COL16A1: variants seen among roughly 807,000 people sequenced by gnomAD.
The protein encoded by COL16A1 is collagen type XVI alpha 1 chain, also known as collagen alpha-1(XVI) chain.
COL16A1 carries 189 observed loss-of-function variants against 266.3 expected under a neutral mutation model. The observed-to-expected ratio is 0.71, with a 90% CI of 0.63 to 0.80. The LOEUF (loss-of-function observed/expected upper bound fraction) is 0.80. COL16A1 is among the 30% of genes least tolerant of loss of function. The pLI, the probability that COL16A1 is intolerant of heterozygous loss-of-function variation, is 0.00. For synonymous variants in COL16A1, 740 were observed against 782.3 expected, an observed-to-expected ratio of 0.95 and a Z score of 0.90; for missense variants, 1,928 against 2,122.4, an observed-to-expected ratio of 0.91 and a Z score of 1.80.
intron 11 of COL16A1, among the ~76,000 whole-genome samples, chr1:31,694,513 G>A (rs1190335116): frequency 6.6e-6 from 1 of 152,144 alleles, no homozygotes; most frequent in East Asian, 1.9e-4. Flanking sequence ...GATTGAAAGA[G>A]GGAGCAGGGA....
chr1:31,689,198 G>A lies in COL16A1; in HGVS notation c.1621-113C>T, dbSNP rs960583052. 1.1e-5 allele frequency: 17 copies of A among 1,515,854 alleles called. No individual in the cohort carries two copies. In the African/African-American group the frequency reaches 1.8e-4, roughly 16 times the overall value. The allele number at this position is 1,515,854 out of a possible 1,614,324, so 93.9% of individuals were successfully genotyped here. ...CACACGCAAACCGTCCAAACACCTAGGGGTCCCATGGGGTCCAAGGCCAGC... is the reference window on the plus strand; with the variant it reads ...CACACGCAAACCGTCCAAACACCTAAGGGTCCCATGGGGTCCAAGGCCAGC... On this transcript the variant is annotated intron_variant, in intron 23 of 70. Transcript: ENST00000373672.
At chr1:31,671,994 G>A (rs948283153) in intron 47 of COL16A1, among the ~76,000 whole-genome samples, 3 of 152,216 alleles carry the variant, frequency 2.0e-5, no homozygotes, top group Non-Finnish European at 2.9e-5. Flanking sequence ...CACATAGTTG[G>A]TGTTGAGCTG....
At chr1:31,682,332 G>A (rs1643705790) in intron 37 of COL16A1, among the ~76,000 whole-genome samples, 1 of 152,166 alleles carries the variant, frequency 6.6e-6, no homozygotes, top group Non-Finnish European at 1.5e-5. Context: ...AGTAGTTGCT[G>A]GTCTGGATCT....
At chr1:31,673,317 G>A (rs778615816) in intron 44 of COL16A1, 3 of 178,742 alleles carry the variant, frequency 1.7e-5, no homozygotes, top group South Asian at 1.1e-4. Context: ...CAGGCTCCTG[G>A]CTCGGATCGC....
At chr1:31,681,154 C>G (rs1643612341) in intron 37 of COL16A1, 87 bp from the exon 38 acceptor site, 2 of 1,503,794 alleles carry the variant, frequency 1.3e-6, no homozygotes, top group Non-Finnish European at 1.8e-6. Context: ...GTAGGACAAA[C>G]AGAAGCAGCG....
At chr1:31,669,858 AGCCGGCCAAGGT>A (rs1462970063) in intron 49 of COL16A1, 1 of 152,526 alleles carries the variant, frequency 6.6e-6, no homozygotes, top group East Asian at 1.9e-4. Context: ...TGGCAGAAGG[AGCCGGCCAAGGT>A]GCCGGGCACA....
chr1:31,677,236 C>T (rs1376186535), intron 42 of COL16A1, among the ~76,000 whole-genome samples: 1 of 152,202 alleles, frequency 6.6e-6, no homozygotes, highest in Non-Finnish European at 1.5e-5. Flanking sequence ...CAGGCATGCA[C>T]CACAAAACCC....
chr1:31,683,501 C>A, intron 34 of COL16A1, 132 bp from the exon 35 acceptor site: 2 of 1,583,518 alleles, frequency 1.3e-6, no homozygotes, highest in Non-Finnish European at 1.7e-6. Context: ...CCCAAGGAGA[C>A]CCTGAGGGTC....
chr1:31,671,519 G>A, intron 48 of COL16A1, 96 bp downstream of exon 48: 3 of 1,510,076 alleles, frequency 2.0e-6, no homozygotes, highest in Non-Finnish European at 1.8e-6. Flanking sequence ...CTCCTGCCTT[G>A]CCCAGCCTTT....
At position 31,690,365 on chromosome 1, in the gene COL16A1, A is replaced by G. The variant is rs754852290; in HGVS notation, c.1509+2T>C. Reference sequence around the variant, plus strand: ...ATCTGGGCAGCCAGGCCTAGGACTCACCTTCTCTCCCTTCACACCTGGCTT... The same window carrying G: ...ATCTGGGCAGCCAGGCCTAGGACTCGCCTTCTCTCCCTTCACACCTGGCTT... On this transcript the variant is annotated splice_donor_variant, in intron 22 of 70. Coordinates refer to ENST00000373672, the MANE Select transcript of COL16A1 (RefSeq NM_001856.4). LOFTEE classifies it high-confidence loss of function. 3 of 1,613,918 alleles carry G rather than the reference A, an allele frequency of 1.9e-6. No individual in the cohort carries two copies. In the South Asian group the frequency reaches 3.3e-5, roughly 18 times the overall value.
chr1:31,680,067 C>T lies in COL16A1; in HGVS notation c.2645G>A (p.Gly882Glu), dbSNP rs759049230. 6.2e-7 allele frequency: 1 copy of T among 1,613,842 alleles called. No homozygotes were observed. Among genetic ancestry groups the T allele is most frequent in the African/African-American group, 1.3e-5 (1 of 74,922 alleles). The change falls in exon 40 of 71, where the codon GGA becomes GAA. Residue 882 changes from glycine (G) to glutamate (E), a missense_variant. By Grantham distance (98) the Gly-to-Glu change is moderately conservative. Coordinates refer to ENST00000373672, the MANE Select transcript of COL16A1 (RefSeq NM_001856.4). ...EPGECSCPSQGDLIFSGMPGA... is the reference protein window; with the variant it reads ...EPGECSCPSQEDLIFSGMPGA... ...CGGCATGCCAGAGAAGATGAGGTCT[C>T]CTTGAGAGGGGCAGGAGCACTCCCC... is the stretch of plus-strand genomic sequence containing the variant.
rs1644265189 is a variant in COL16A1, at chr1:31,691,474, T to C, written c.1341A>G (p.Gly447=). Residue 447 remains glycine, a synonymous_variant, in exon 19 of 71, where the codon GGA becomes GGG. Transcript: ENST00000373672. ...CAGGGAGGCCGGGGGGCCCAGGCTCTCCTGCCAGCCCCTCAGGCCCAACAA... is the reference window on the plus strand; with the variant it reads ...CAGGGAGGCCGGGGGGCCCAGGCTCCCCTGCCAGCCCCTCAGGCCCAACAA... ...PGFVGPEGLA[G]EPGPPGLPGP... 1 of 1,613,240 alleles carries C rather than the reference T, an allele frequency of 6.2e-7. No individual in the cohort carries two copies. The highest frequency in any genetic ancestry group is 1.1e-5 in the South Asian group (1 of 91,030).
rs929568842 is a variant in COL16A1, at chr1:31,698,822, G to C, written c.267-216C>G. ...AATAACAGTGGTGAAGGCTGGGTGCGGTGGCTCATGCCTGTAATCCCAGCA... is the reference window on the plus strand; with the variant it reads ...AATAACAGTGGTGAAGGCTGGGTGCCGTGGCTCATGCCTGTAATCCCAGCA... On this transcript the variant is annotated intron_variant, in intron 4 of 70. Transcript: ENST00000373672. The surrounding 1 kb of genome is among the most constrained non-coding windows in gnomAD (Gnocchi z 4.1). Among the ~76,000 whole-genome samples, 1 of 152,152 alleles carries C rather than the reference G, an allele frequency of 6.6e-6. No individual in the cohort carries two copies. The highest frequency in any genetic ancestry group is 6.5e-5 in the Admixed American group (1 of 15,272).
Position 31,668,919 on chromosome 1 carries a change from T to C in COL16A1, c.3196-64A>G. The C allele has an allele frequency of 2.8e-6, 4 of 1,433,338 alleles. No individual in the cohort carries two copies. Among genetic ancestry groups the C allele is most frequent in the Admixed American group, 1.8e-5 (1 of 55,544 alleles). 88.8% of individuals were successfully genotyped at this position (1,433,338 alleles called of 1,614,324 possible). A position where few individuals can be genotyped will look rare whatever the true frequency, so the allele number is the denominator to read the frequency against. On this transcript the variant is annotated intron_variant, in intron 49 of 70. Transcript: ENST00000373672. The surrounding 1 kb of genome is among the most constrained non-coding windows in gnomAD (Gnocchi z 5.8). ...GGTCCCCACCCAGCCCCTGACTCCTTCCCCCTGCCCCACTGCCTTCTGTTC... is the reference window on the plus strand; with the variant it reads ...GGTCCCCACCCAGCCCCTGACTCCTCCCCCCTGCCCCACTGCCTTCTGTTC...
intron 16 of COL16A1, 102 bp from the exon 17 acceptor site, chr1:31,692,169 T>C: frequency 6.4e-7 from 1 of 1,553,628 alleles, no homozygotes; most frequent in Non-Finnish European, 8.8e-7. Flanking sequence ...ACCCCTGGTC[T>C]CTGTCTCCCC....
intron 4 of COL16A1, 64 bp downstream of exon 4, chr1:31,699,749 G>T: frequency 9.5e-7 from 1 of 1,050,806 alleles, no homozygotes. Flanking sequence ...CCCCACATCT[G>T]GAGTTGCTGA....
At position 31,668,366 on chromosome 1, in the gene COL16A1, C is replaced by G. The variant is rs1345057426; in HGVS notation, c.3250-148G>C. 8.2e-6 allele frequency: 7 copies of G among 853,194 alleles called. 1 individual carries two copies. Among genetic ancestry groups the G allele is most frequent in the Non-Finnish European group, 1.1e-5 (6 of 530,836 alleles). 52.9% of individuals were successfully genotyped at this position (853,194 alleles called of 1,614,324 possible). A position where few individuals can be genotyped will look rare whatever the true frequency, so the allele number is the denominator to read the frequency against. On this transcript the variant is annotated intron_variant, in intron 50 of 70. Coordinates refer to ENST00000373672, the MANE Select transcript of COL16A1 (RefSeq NM_001856.4). This position sits in a 1 kb window ranked among gnomAD's most constrained non-coding sequence, Gnocchi z 5.8. Reference sequence around the variant, plus strand: ...AGCATTGCACACTGGGCCATCTCCCCAAGCCCCAGGTCCCCTCGGTCGTGA... The same window carrying G: ...AGCATTGCACACTGGGCCATCTCCCGAAGCCCCAGGTCCCCTCGGTCGTGA...
chr1:31,660,970 C>A (rs1641603887), intron 61 of COL16A1, 96 bp downstream of exon 61: 2 of 1,359,570 alleles, frequency 1.5e-6, no homozygotes, highest in African/African-American at 1.5e-5. Flanking sequence ...CAGAAAGCAG[C>A]CACTTTGCCA....
chr1:31,662,954 T>C (rs1473572112), intron 56 of COL16A1: 3 of 518,042 alleles, frequency 5.8e-6, no homozygotes, highest in Non-Finnish European at 1.0e-5. Flanking sequence ...CAGTAGCATG[T>C]GCTGAACTGA....
Sources: allele counts gnomAD v4.1 joint callset (sites outside exome capture counted in the v4.1 genomes callset), GRCh38; gene constraint gnomAD v4.1.1; non-coding constraint Gnocchi (gnomAD v3.1); transcripts MANE v1.5; gene names NCBI Gene and HGNC (gene_info 2026-07-23, HGNC 2026-07-21).